The following ZDHHC23 variants were observed in gnomAD, a reference collection of about 807,000 sequenced individuals.
ZDHHC23 encodes zDHHC palmitoyltransferase 23, also known as palmitoyltransferase ZDHHC23.
A neutral mutation model predicts 40.2 loss-of-function variants in ZDHHC23; 41 were observed. The ratio of observed to expected loss-of-function variants is 1.02; its 90% confidence interval spans 0.79 to 1.32. The LOEUF is 1.32. Ranked by LOEUF, ZDHHC23 falls within the 40% of genes most tolerant of loss-of-function variation. ZDHHC23 has a pLI of 0.00. For missense variants in ZDHHC23, 471 were observed against 541.5 expected, an observed-to-expected ratio of 0.87 and a Z score of 1.29; for synonymous variants, 204 against 210.2, an observed-to-expected ratio of 0.97 and a Z score of 0.26.
the ZDHHC23 span, among the ~76,000 whole-genome samples, chr3:113,972,247 C>A: frequency 2.0e-5 from 3 of 152,064 alleles, no homozygotes; most frequent in Admixed American, 6.6e-5. Flanking sequence ...ACTGCTTTTA[C>A]TATAACCTAT....
chr3:113,966,385 G>A (rs543033382), downstream of ZDHHC23, among the ~76,000 whole-genome samples: 4 of 152,258 alleles, frequency 2.6e-5, no homozygotes, highest in East Asian at 1.9e-4. Context: ...GCCAGGTACC[G>A]TCTGCCCCGG....
the ZDHHC23 span, among the ~76,000 whole-genome samples, chr3:113,976,377 CT>C: frequency 6.6e-6 from 1 of 151,794 alleles, no homozygotes; most frequent in South Asian, 2.1e-4. Flanking sequence ...GTCAAAAAAC[CT>C]AATCTGGAGT....
chr3:113,950,488 C>G (rs961033543), intron 2 of ZDHHC23, among the ~76,000 whole-genome samples: 1 of 152,060 alleles, frequency 6.6e-6, no homozygotes, highest in African/African-American at 2.4e-5. Flanking sequence ...TATAAGGGCA[C>G]AAGTCTCATT....
At position 113,955,784 on chromosome 3, in the gene ZDHHC23, G is replaced by A. The variant is rs144466575; in HGVS notation, c.873-555G>A. 1.4e-3 allele frequency among the ~76,000 whole-genome samples: 208 copies of A among 152,230 alleles called. 1 individual carries two copies. The highest frequency in any genetic ancestry group is 4.9e-3 in the African/African-American group (203 of 41,520). ...ATATTTAGGAAGATTTGTTAGCCAGGTTCTGCTTTTTATACTTAGTCTTGT... is the reference window on the plus strand; with the variant it reads ...ATATTTAGGAAGATTTGTTAGCCAGATTCTGCTTTTTATACTTAGTCTTGT... On this transcript the variant is annotated intron_variant, in intron 3 of 4. Coordinates refer to ENST00000638807, the MANE Select transcript of ZDHHC23 (RefSeq NM_001320466.2).
In ZDHHC23 at chr3:113,960,838, C is replaced by G. The variant is rs541544850; in HGVS notation, c.*2208C>G. 1 of 1,471,672 alleles carries G rather than the reference C, an allele frequency of 6.8e-7. No homozygotes were observed. The allele number at this position is 1,471,672 out of a possible 1,614,324, so 91.2% of individuals were successfully genotyped here. On this transcript the variant is annotated 3_prime_UTR_variant, in exon 5 of 5. Transcript: ENST00000638807. Reference sequence around the variant, plus strand: ...AAGTTCCTTGAGAACCCATGATGGACAGTTGACAGAATGCTTAAACCTGTC... The same window carrying G: ...AAGTTCCTTGAGAACCCATGATGGAGAGTTGACAGAATGCTTAAACCTGTC...
chr3:113,965,490 A>G, downstream of ZDHHC23: 1 of 510,552 alleles, frequency 2.0e-6, no homozygotes, highest in South Asian at 3.8e-5. Flanking sequence ...GGAAATCACA[A>G]TCGGGATTAT....
chr3:113,949,097 C>T (rs2107426195), intron 2 of ZDHHC23, 134 bp downstream of exon 2: 4 of 1,201,540 alleles, frequency 3.3e-6, no homozygotes, highest in South Asian at 1.5e-5. Flanking sequence ...TGAGAGTTGG[C>T]TTCTGTGTCA....
chr3:113,960,786 GTT>G lies in ZDHHC23; in HGVS notation c.*2158_*2159del. On this transcript the variant is annotated 3_prime_UTR_variant, in exon 5 of 5. Transcript: ENST00000638807. ...GGAAGGGACTCTGTGTATTATTCAG[GTT>G]TATTGGCACGAAGATACTTGTTTTA... is the stretch of plus-strand genomic sequence containing the variant. The G allele has an allele frequency of 6.6e-7, 1 of 1,510,160 alleles. No individual in the cohort carries two copies. Among genetic ancestry groups the G allele is most frequent in the Non-Finnish European group, 8.8e-7 (1 of 1,138,120 alleles). The allele number at this position is 1,510,160 out of a possible 1,614,324, so 93.5% of individuals were successfully genotyped here.
rs772299897 is a variant in ZDHHC23, at chr3:113,958,385, G to A, written c.1063G>A (p.Val355Met). 2.5e-5 allele frequency: 40 copies of A among 1,614,022 alleles called. No individual in the cohort carries two copies. The highest frequency in any genetic ancestry group is 3.3e-5 in the South Asian group (3 of 91,072). Reference protein sequence around the residue: ...NYSSALSFTCVWYSVIITAGM... With the variant: ...NYSSALSFTCMWYSVIITAGM... Reference sequence around the variant, plus strand: ...TAGCTCGGCTCTGTCCTTCACCTGCGTGTGGTACTCTGTGATCATCACAGC... The same window carrying A: ...TAGCTCGGCTCTGTCCTTCACCTGCATGTGGTACTCTGTGATCATCACAGC... The change falls in exon 5 of 5, where the codon GTG becomes ATG. Residue 355 changes from valine to methionine, a missense_variant. Coordinates refer to ENST00000638807, the MANE Select transcript of ZDHHC23 (RefSeq NM_001320466.2).
chr3:113,962,909 CT>C lies in ZDHHC23; in HGVS notation c.*4281del, dbSNP rs1293720795. 5.3e-5 allele frequency: 8 copies of C among 152,294 alleles called. No individual in the cohort carries two copies. The highest frequency in any genetic ancestry group is 1.0e-4 in the Non-Finnish European group (7 of 68,032). 9.4% of individuals were successfully genotyped at this position (152,294 alleles called of 1,614,324 possible). A position where few individuals can be genotyped will look rare whatever the true frequency, so the allele number is the denominator to read the frequency against. Reference sequence around the variant, plus strand: ...TTTTACATGGAAATTTTACAAATTACTTCCATTTATGTAAAATAACGTCCTG... The same window carrying C: ...TTTTACATGGAAATTTTACAAATTACTCCATTTATGTAAAATAACGTCCTG... On this transcript the variant is annotated 3_prime_UTR_variant, in exon 5 of 5. Transcript: ENST00000638807.
chr3:113,978,607 A>AAAAC, the ZDHHC23 span: 1 of 590,390 alleles, frequency 1.7e-6, no homozygotes, highest in Non-Finnish European at 2.9e-6. Flanking sequence ...AATGACTATA[A>AAAAC]AAACAAAAGC....
chr3:113,966,147 T>C (rs1308286623), downstream of ZDHHC23, among the ~76,000 whole-genome samples: 2 of 152,134 alleles, frequency 1.3e-5, no homozygotes, highest in East Asian at 3.8e-4. Flanking sequence ...CCTCAGTGCG[T>C]AGACATATTT....
At chr3:113,978,592 C>T in the ZDHHC23 span, 1 of 576,062 alleles carries the variant, frequency 1.7e-6, no homozygotes, top group South Asian at 2.5e-5. Context: ...AGACAAGAAA[C>T]AAGAAATGAC....
At position 113,959,791 on chromosome 3, in the gene ZDHHC23, CAG is replaced by C; in HGVS notation, c.*1162_*1163del. On this transcript the variant is annotated 3_prime_UTR_variant, in exon 5 of 5. Coordinates refer to ENST00000638807, the MANE Select transcript of ZDHHC23 (RefSeq NM_001320466.2). ...TTCTCAATTACCCCTCCCTAAATAA[CAG>C]TATCTCACTAAGAGAGAAGAAACAG... 9.4e-7 allele frequency: 1 copy of C among 1,064,648 alleles called. No individual in the cohort carries two copies. Among genetic ancestry groups the C allele is most frequent in the Non-Finnish European group, 1.2e-6 (1 of 867,422 alleles). 66.0% of individuals were successfully genotyped at this position (1,064,648 alleles called of 1,614,324 possible).
chr3:113,978,595 G>A, the ZDHHC23 span: 1 of 580,048 alleles, frequency 1.7e-6, no homozygotes, highest in African/African-American at 1.9e-5. Flanking sequence ...CAAGAAACAA[G>A]AAATGACTAT....
chr3:113,974,641 A>C, the ZDHHC23 span, among the ~76,000 whole-genome samples: 1 of 152,010 alleles, frequency 6.6e-6, no homozygotes, highest in Admixed American at 6.6e-5. Flanking sequence ...TTTCTTGTGG[A>C]TATATGTCTA....
the ZDHHC23 span, among the ~76,000 whole-genome samples, chr3:113,973,924 T>G: frequency 6.6e-6 from 1 of 151,522 alleles, no homozygotes; most frequent in Non-Finnish European, 1.5e-5. Flanking sequence ...TTTTTAGATA[T>G]GATCTTCTGA....
At position 113,960,683 on chromosome 3, in the gene ZDHHC23, A is replaced by G; in HGVS notation, c.*2053A>G. The G allele has an allele frequency of 6.2e-7, 1 of 1,606,880 alleles. No homozygotes were observed. Among genetic ancestry groups the G allele is most frequent in the Non-Finnish European group, 8.5e-7 (1 of 1,177,460 alleles). ...CCAAAATAATTTGGGAGAATTAGGA[A>G]TGATGACAATTTTTTTTAACAACTT... is the stretch of plus-strand genomic sequence containing the variant. On this transcript the variant is annotated 3_prime_UTR_variant, in exon 5 of 5. Transcript: ENST00000638807.
chr3:113,965,172 T>A, downstream of ZDHHC23: 1 of 1,602,736 alleles, frequency 6.2e-7, no homozygotes, highest in Non-Finnish European at 8.5e-7. Context: ...TTCACCAGAC[T>A]TGTCTTACTC....
Sources: gnomAD v4.1 joint callset for allele counts (sites outside exome capture counted in the v4.1 genomes callset) on GRCh38, gnomAD v4.1.1 for gene constraint, MANE v1.5 for transcripts, NCBI Gene and HGNC (gene_info 2026-07-23, HGNC 2026-07-21) for gene names.